MBD5: variants seen among roughly 807,000 people sequenced by gnomAD.
The protein encoded by MBD5 is methyl-CpG binding domain protein 5, also known as methyl-CpG-binding domain protein 5.
In MBD5, 13 loss-of-function variants were observed where a neutral mutation model predicts 117.3. The observed-to-expected ratio is 0.11, with a 90% CI of 0.07 to 0.18. The LOEUF (loss-of-function observed/expected upper bound fraction) is 0.18. Among genes scored for constraint, MBD5 ranks in the 10% least tolerant of loss-of-function variants. The pLI is 1.00. For missense variants in MBD5, 1,879 were observed against 2,093.8 expected (o/e 0.90, Z 2.00); for synonymous variants, 727 against 766.4 (o/e 0.95, Z 0.85).
At chr2:148,299,517 G>A (rs1015002250) in intron 3 of MBD5, among the ~76,000 whole-genome samples, 1 of 152,144 alleles carries the variant, frequency 6.6e-6, no homozygotes, top group Admixed American at 6.5e-5. Flanking sequence ...CTCTCCAAAT[G>A]TTCATTGACT....
At chr2:148,264,187 C>T (rs1700798125) in intron 3 of MBD5, 1 of 152,200 alleles carries the variant, frequency 6.6e-6, no homozygotes, top group Non-Finnish European at 1.5e-5. Context: ...AGTTTACAGG[C>T]TCAGTAGGAT....
intron 4 of MBD5, among the ~76,000 whole-genome samples, chr2:148,382,764 C>A (rs1704194267): frequency 1.3e-5 from 2 of 152,260 alleles, no homozygotes; most frequent in South Asian, 4.2e-4. Flanking sequence ...TCTCTCAAAC[C>A]ACAGTGCAAT....
chr2:148,286,260 T>C (rs1701366778), intron 3 of MBD5, among the ~76,000 whole-genome samples: 1 of 152,262 alleles, frequency 6.6e-6, no homozygotes, highest in African/African-American at 2.4e-5. Flanking sequence ...TTGCTTTTTA[T>C]CATCTGATAT....
At chr2:148,467,151 C>T (rs1707289651) in intron 7 of MBD5, among the ~76,000 whole-genome samples, 1 of 152,058 alleles carries the variant, frequency 6.6e-6, no homozygotes, top group African/African-American at 2.4e-5. Flanking sequence ...GCTTCCTTTC[C>T]AACACAGCTT....
intron 3 of MBD5, among the ~76,000 whole-genome samples, chr2:148,327,228 C>T (rs185841991): frequency 5.8e-4 from 88 of 152,198 alleles, no homozygotes; most frequent in Non-Finnish European, 9.1e-4. Flanking sequence ...ATGGGCTTCC[C>T]TTTGAGGGTA....
intron 3 of MBD5, among the ~76,000 whole-genome samples, chr2:148,257,255 A>T (rs1347056303): frequency 6.6e-6 from 1 of 152,232 alleles, no homozygotes; most frequent in Non-Finnish European, 1.5e-5. Flanking sequence ...CATAGGGCTT[A>T]TGCCTGCTGA....
Position 148,450,660 on chromosome 2 carries a change from T to G in MBD5, c.-556-7543T>G, listed in dbSNP as rs1292277578. On this transcript the variant is annotated intron_variant, in intron 4 of 13. Coordinates refer to ENST00000642680, the MANE Select transcript of MBD5 (RefSeq NM_001378120.1). ...CGAAAGTTATAAGGCCTTTTGAGTT[T>G]TAGGTGCAAAACTTGAACAGTATCA... Among the ~76,000 whole-genome samples, 8 of 152,280 alleles carry G rather than the reference T, an allele frequency of 5.3e-5. No homozygotes were observed. The East Asian group carries it at 1.5e-3, about 29-fold the overall frequency.
chr2:148,157,998 G>A (rs1697915078), intron 1 of MBD5, among the ~76,000 whole-genome samples: 1 of 152,020 alleles, frequency 6.6e-6, no homozygotes, highest in Non-Finnish European at 1.5e-5. Flanking sequence ...ATTGAATTGT[G>A]CACTTTAAAA....
At chr2:148,233,693 G>A (rs1354537109) in intron 3 of MBD5, among the ~76,000 whole-genome samples, 1 of 151,930 alleles carries the variant, frequency 6.6e-6, no homozygotes, top group Non-Finnish European at 1.5e-5. Context: ...TTTGAAAGCA[G>A]GGCTTTTTCA....
chr2:148,253,865 C>T (rs189780404), intron 3 of MBD5, among the ~76,000 whole-genome samples: 1 of 152,352 alleles, frequency 6.6e-6, no homozygotes, highest in African/African-American at 2.4e-5. Context: ...ATGTGACTCA[C>T]GTGACATGGT....
chr2:148,384,348 A>G (rs2105466446), intron 4 of MBD5, among the ~76,000 whole-genome samples: 1 of 152,146 alleles, frequency 6.6e-6, no homozygotes, highest in East Asian at 1.9e-4. Flanking sequence ...TCATGAGGGA[A>G]CTCCCATTCA....
At chr2:148,299,570 G>A (rs557417258) in intron 3 of MBD5, among the ~76,000 whole-genome samples, 2 of 152,188 alleles carry the variant, frequency 1.3e-5, no homozygotes, top group African/African-American at 4.8e-5. Flanking sequence ...ATGAAGGACC[G>A]ACCTTCTGGA....
At chr2:148,325,550 T>C (rs1023914147) in intron 3 of MBD5, among the ~76,000 whole-genome samples, 14 of 152,346 alleles carry the variant, frequency 9.2e-5, no homozygotes, top group African/African-American at 3.4e-4. Context: ...AACTTCTTCC[T>C]GGTTTAGTCT....
intron 10 of MBD5, among the ~76,000 whole-genome samples, chr2:148,486,699 C>T (rs139120935): frequency 3.2e-4 from 49 of 152,194 alleles, no homozygotes; most frequent in African/African-American, 1.2e-3. Context: ...AGACAATTCA[C>T]AGAAATTGAA....
intron 1 of MBD5, among the ~76,000 whole-genome samples, chr2:148,106,883 T>G (rs1402833734): frequency 6.6e-6 from 1 of 152,070 alleles, no homozygotes; most frequent in East Asian, 1.9e-4. Flanking sequence ...AACAATGTAA[T>G]AAATAATTAT....
intron 1 of MBD5, among the ~76,000 whole-genome samples, chr2:148,129,516 T>C (rs1041283816): frequency 6.6e-6 from 1 of 151,674 alleles, no homozygotes; most frequent in Non-Finnish European, 1.5e-5. Flanking sequence ...AAGAAATAAA[T>C]AAAATAGTGA....
chr2:148,390,292 T>G lies in MBD5; in HGVS notation c.-557+47956T>G, dbSNP rs550116305. Among the ~76,000 whole-genome samples the G allele has an allele frequency of 1.4e-4, 21 of 152,176 alleles. No homozygotes were observed. In the East Asian group the frequency reaches 4.1e-3, roughly 29 times the overall value. The stretch of plus-strand genomic sequence containing the variant: ...GCATTGATCTGTGTGTCTATTTTTG[T>G]ACCAGTACCATGCTGTTTTGATTAT... On this transcript the variant is annotated intron_variant, in intron 4 of 13. Coordinates refer to ENST00000642680, the MANE Select transcript of MBD5 (RefSeq NM_001378120.1).
At chr2:148,035,296 C>T (rs950664950) in intron 1 of MBD5, among the ~76,000 whole-genome samples, 14 of 151,878 alleles carry the variant, frequency 9.2e-5, no homozygotes, top group African/African-American at 2.9e-4. Context: ...TAGTAGAAGG[C>T]GAGAAGGAAA....
intron 1 of MBD5, among the ~76,000 whole-genome samples, chr2:148,168,022 T>G (rs188047221): frequency 6.6e-6 from 1 of 152,306 alleles, no homozygotes; most frequent in East Asian, 1.9e-4. Flanking sequence ...GTTAAGTACT[T>G]ATTGGTTTCT....
Sources: gnomAD v4.1 joint callset for allele counts (sites outside exome capture counted in the v4.1 genomes callset) on GRCh38, gnomAD v4.1.1 for gene constraint, MANE v1.5 for transcripts, NCBI Gene and HGNC (gene_info 2026-07-23, HGNC 2026-07-21) for gene names.